Variants in B3GAT2 observed in about 807,000 individuals in gnomAD.
B3GAT2 encodes the protein beta-1,3-glucuronyltransferase 2.
A neutral mutation model predicts 27.8 loss-of-function variants in B3GAT2; 26 were observed. The ratio of observed to expected loss-of-function variants is 0.93; its 90% CI spans 0.68 to 1.30. The LOEUF (loss-of-function observed/expected upper bound fraction) is 1.30. B3GAT2 is among the 50% of genes most tolerant of loss of function. B3GAT2 has a pLI of 0.00. For missense variants in B3GAT2, 458 were observed against 459.0 expected, an observed-to-expected ratio of 1.00 and a Z score of 0.02; for synonymous variants, 218 against 195.1, an observed-to-expected ratio of 1.12 and a Z score of -0.98.
chr6:70,923,665 A>G (rs1772907718), intron 1 of B3GAT2, among the ~76,000 whole-genome samples: 2 of 152,294 alleles, frequency 1.3e-5, no homozygotes, highest in East Asian at 1.9e-4. Context: ...CCCTGTCTCA[A>G]TCAATCAATC....
At position 70,939,936 on chromosome 6, in the gene B3GAT2, A is replaced by T. The variant is rs117512739; in HGVS notation, c.591+15903T>A. ...AAAAAATAAAATGTAGATGTCAATT[A>T]AAAAATATCCCAGAGGGTTAATGTT... On this transcript the variant is annotated intron_variant, in intron 1 of 3. Transcript: ENST00000230053. 3.2e-3 allele frequency among the ~76,000 whole-genome samples: 483 copies of T among 152,272 alleles called. 15 individuals carry two copies. The East Asian group carries it at 0.085, about 27-fold the overall frequency.
chr6:70,864,100 C>CT (rs1771812154), intron 2 of B3GAT2, among the ~76,000 whole-genome samples: 1 of 144,072 alleles, frequency 6.9e-6, no homozygotes, highest in Non-Finnish European at 1.5e-5. Flanking sequence ...AGATGAGAGC[C>CT]TACCCTTCTC....
chr6:70,877,852 C>A (rs879560871), intron 2 of B3GAT2, among the ~76,000 whole-genome samples: 35 of 152,314 alleles, frequency 2.3e-4, no homozygotes, highest in Admixed American at 3.9e-4. Flanking sequence ...CTGTGTTCCT[C>A]CCTGCAAATG....
At chr6:70,946,407 C>T (rs1198857024) in intron 1 of B3GAT2, among the ~76,000 whole-genome samples, 1 of 151,236 alleles carries the variant, frequency 6.6e-6, no homozygotes, top group Non-Finnish European at 1.5e-5. Context: ...AAATGGAAAA[C>T]AAAAAAAGGC....
At chr6:70,867,180 G>A (rs1771864954) in intron 2 of B3GAT2, among the ~76,000 whole-genome samples, 1 of 151,868 alleles carries the variant, frequency 6.6e-6, no homozygotes, top group Admixed American at 6.6e-5. Context: ...TGTTTAGATG[G>A]GAAACTAGTT....
chr6:70,875,104 C>A (rs73745703), intron 2 of B3GAT2, among the ~76,000 whole-genome samples: 2,284 of 152,116 alleles, frequency 0.015, 51 homozygotes, highest in African/African-American at 0.05. Context: ...AGTGTTCTCA[C>A]TGTTTTTATG....
chr6:70,888,596 C>A (rs932195347), intron 2 of B3GAT2, among the ~76,000 whole-genome samples: 1 of 152,184 alleles, frequency 6.6e-6, no homozygotes, highest in Non-Finnish European at 1.5e-5. Flanking sequence ...GCCCTCCTCC[C>A]CCATTCATCC....
At chr6:70,937,255 A>C (rs1301491988) in intron 1 of B3GAT2, among the ~76,000 whole-genome samples, 2 of 151,680 alleles carry the variant, frequency 1.3e-5, no homozygotes, top group African/African-American at 2.4e-5. Flanking sequence ...TTGTGGCAAT[A>C]ATCAATAGCT....
chr6:70,932,702 T>C (rs1033690120), intron 1 of B3GAT2, among the ~76,000 whole-genome samples: 1 of 152,360 alleles, frequency 6.6e-6, no homozygotes, highest in East Asian at 1.9e-4. Context: ...TATTTTACTA[T>C]GATAAAAAAC....
At chr6:70,885,654 G>C (rs970653739) in intron 2 of B3GAT2, among the ~76,000 whole-genome samples, 2 of 152,148 alleles carry the variant, frequency 1.3e-5, no homozygotes, top group African/African-American at 4.8e-5. Context: ...CGTTAAGAGT[G>C]ATCTCACAAA....
chr6:70,897,514 G>A (rs118022712), intron 1 of B3GAT2, among the ~76,000 whole-genome samples: 9,444 of 151,394 alleles, frequency 0.062, 378 homozygotes, highest in Non-Finnish European at 0.096. Context: ...CGAGGTGGGC[G>A]GATCACTTGA....
rs540693584 is a variant in B3GAT2, at chr6:70,933,629, A to G, written c.591+22210T>C. ...AACTGTCACTTGACCTTTAAAAATG[A>G]TACTGGCATTTTCATCTTGCAATGC... On this transcript the variant is annotated intron_variant, in intron 1 of 3. Transcript: ENST00000230053. 4.4e-4 allele frequency among the ~76,000 whole-genome samples: 67 copies of G among 152,296 alleles called. No homozygotes were observed. In the South Asian group the frequency reaches 0.013, roughly 30 times the overall value.
At position 70,857,936 on chromosome 6, in the gene B3GAT2, C is replaced by A; in HGVS notation, c.*3727G>T. 1.2e-6 allele frequency: 2 copies of A among 1,613,908 alleles called. No homozygotes were observed. Among genetic ancestry groups the A allele is most frequent in the Non-Finnish European group, 1.7e-6 (2 of 1,179,892 alleles). On this transcript the variant is annotated 3_prime_UTR_variant, in exon 4 of 4. Transcript: ENST00000230053. ...TTGTGGTGCAGGTGTATTTATGGGA[C>A]CCACAAATATACCATTTACCTCACA... is the stretch of plus-strand genomic sequence containing the variant.
chr6:70,925,500 C>T (rs1772940149), intron 1 of B3GAT2, among the ~76,000 whole-genome samples: 1 of 152,252 alleles, frequency 6.6e-6, no homozygotes. Flanking sequence ...GAGATTATAA[C>T]CCGTGCCTGG....
chr6:70,908,127 A>T (rs75522524), intron 1 of B3GAT2, among the ~76,000 whole-genome samples: 6,929 of 152,304 alleles, frequency 0.045, 163 homozygotes, highest in African/African-American at 0.052. Flanking sequence ...CTTTAACCAC[A>T]GTATCAGGGA....
intron 2 of B3GAT2, among the ~76,000 whole-genome samples, chr6:70,881,020 T>C (rs1562216982): frequency 6.6e-6 from 1 of 152,202 alleles, no homozygotes; most frequent in Non-Finnish European, 1.5e-5. Flanking sequence ...TCTGAAACTC[T>C]TACTGAACAT....
chr6:70,860,454 G>T lies in B3GAT2; in HGVS notation c.*1209C>A. 8.3e-7 allele frequency: 1 copy of T among 1,200,036 alleles called. No individual in the cohort carries two copies. The highest frequency in any genetic ancestry group is 1.1e-6 in the Non-Finnish European group (1 of 874,862). 74.3% of individuals were successfully genotyped at this position (1,200,036 alleles called of 1,614,324 possible). ...CTTTTTACCCATTTGTTCATATTAAGAATGATCTGATTGACCGTGTTGGTC... is the reference window on the plus strand; with the variant it reads ...CTTTTTACCCATTTGTTCATATTAATAATGATCTGATTGACCGTGTTGGTC... On this transcript the variant is annotated 3_prime_UTR_variant, in exon 4 of 4. Coordinates refer to ENST00000230053, the MANE Select transcript of B3GAT2 (RefSeq NM_080742.3).
chr6:70,858,829 A>G lies in B3GAT2; in HGVS notation c.*2834T>C, dbSNP rs1022097069. 6.5e-6 allele frequency: 1 copy of G among 152,840 alleles called. No homozygotes were observed. The highest frequency in any genetic ancestry group is 2.4e-5 in the African/African-American group (1 of 41,452). The allele number at this position is 152,840 out of a possible 1,614,324, so 9.5% of individuals were successfully genotyped here. A position where few individuals can be genotyped will look rare whatever the true frequency, so the allele number is the denominator to read the frequency against. The stretch of plus-strand genomic sequence containing the variant: ...ACCCTATAATGACTTTTATGTTTAA[A>G]AAGAGTACAAAAAGATTCAATTCCC... On this transcript the variant is annotated 3_prime_UTR_variant, in exon 4 of 4. Transcript: ENST00000230053.
At chr6:70,950,072 G>A (rs1022529916) in intron 1 of B3GAT2, among the ~76,000 whole-genome samples, 2 of 148,964 alleles carry the variant, frequency 1.3e-5, no homozygotes, top group Non-Finnish European at 1.5e-5. Context: ...GGGTTGGGGG[G>A]AGGGAGAGCA....
Sources: gnomAD v4.1 joint callset for allele counts (sites outside exome capture counted in the v4.1 genomes callset) on GRCh38, gnomAD v4.1.1 for gene constraint, MANE v1.5 for transcripts, NCBI Gene and HGNC (gene_info 2026-07-23, HGNC 2026-07-21) for gene names.